Variants in CCDC7 observed in about 807,000 individuals in gnomAD.
CCDC7 encodes the protein coiled-coil domain containing 7.
In CCDC7, 183 loss-of-function variants were observed where a neutral mutation model predicts 196.9. The ratio of observed to expected loss-of-function variants is 0.93; its 90% CI spans 0.82 to 1.05. CCDC7 has a LOEUF of 1.05. Ranked by LOEUF, CCDC7 falls within the 50% of genes least tolerant of loss-of-function variation. The pLI is 0.00. For synonymous variants in CCDC7, 525 were observed against 484.6 expected, an observed-to-expected ratio of 1.08 and a Z score of -1.10; for missense variants, 1,540 against 1,482.2, an observed-to-expected ratio of 1.04 and a Z score of -0.64.
intron 8 of CCDC7, 35 bp from the exon 10 acceptor site, chr10:32,491,887 A>G (rs998809191): frequency 7.9e-6 from 12 of 1,527,768 alleles, no homozygotes; most frequent in Non-Finnish European, 1.0e-5. Flanking sequence ...AGCTATTTAT[A>G]AAACCTTTAA....
downstream of CCDC7, among the ~76,000 whole-genome samples, chr10:32,878,389 C>T (rs73264343): frequency 0.038 from 5,830 of 152,058 alleles, 392 homozygotes; most frequent in African/African-American, 0.13. Context: ...ATGAACCAGT[C>T]ATTAGACTGG....
chr10:32,536,111 C>A (rs761891317), intron 11 of CCDC7, among the ~76,000 whole-genome samples: 36 of 152,244 alleles, frequency 2.4e-4, no homozygotes, highest in Non-Finnish European at 4.3e-4. Context: ...GAAGTAACCC[C>A]TCCCTCACTT....
chr10:32,653,923 CTCTTT>C (rs1399277570), intron 20 of CCDC7, among the ~76,000 whole-genome samples: 1 of 152,026 alleles, frequency 6.6e-6, no homozygotes, highest in African/African-American at 2.4e-5. Context: ...TCTTCTCTTC[CTCTTT>C]TCTTCTTCTG....
intron 28 of CCDC7, among the ~76,000 whole-genome samples, chr10:32,750,661 C>A (rs2075517529): frequency 6.6e-6 from 1 of 152,134 alleles, no homozygotes; most frequent in Admixed American, 6.5e-5. Flanking sequence ...AGCCAGAGAG[C>A]AAGCAAGCCC....
intron 28 of CCDC7, among the ~76,000 whole-genome samples, chr10:32,760,753 A>C (rs918119612): frequency 6.7e-6 from 1 of 149,102 alleles, no homozygotes; most frequent in Non-Finnish European, 1.5e-5. Context: ...AATAATAATA[A>C]AATTAAAAAA....
chr10:32,535,135 G>T (rs1428665095), intron 11 of CCDC7, among the ~76,000 whole-genome samples: 1 of 151,104 alleles, frequency 6.6e-6, no homozygotes, highest in Non-Finnish European at 1.5e-5. Context: ...AAAACTCCGG[G>T]CAGATGGTAG....
At chr10:32,686,837 A>G (rs2141159877) in intron 22 of CCDC7, among the ~76,000 whole-genome samples, 1 of 152,342 alleles carries the variant, frequency 6.6e-6, no homozygotes, top group East Asian at 1.9e-4. Context: ...TACAACATCC[A>G]GTCCTTGCTG....
At chr10:32,860,509 A>C (rs2093940080) in intron 41 of CCDC7, among the ~76,000 whole-genome samples, 1 of 152,220 alleles carries the variant, frequency 6.6e-6, no homozygotes, top group Non-Finnish European at 1.5e-5. Flanking sequence ...GGCACAAGAC[A>C]AGGATGCCCT....
intron 25 of CCDC7, among the ~76,000 whole-genome samples, chr10:32,725,186 G>A (rs918428561): frequency 3.3e-5 from 5 of 151,922 alleles, no homozygotes; most frequent in African/African-American, 9.7e-5. Context: ...CCTTCATTTT[G>A]TATGTATATA....
intron 13 of CCDC7, among the ~76,000 whole-genome samples, chr10:32,545,116 T>A (rs1020247519): frequency 1.3e-5 from 2 of 152,182 alleles, no homozygotes; most frequent in African/African-American, 4.8e-5. Flanking sequence ...AGCTAAAGAC[T>A]TAATTGTCTC....
chr10:32,679,004 A>T (rs1192892503), intron 21 of CCDC7, among the ~76,000 whole-genome samples: 1 of 152,148 alleles, frequency 6.6e-6, no homozygotes, highest in African/African-American at 2.4e-5. Flanking sequence ...ATTTATTTTA[A>T]GTTCAACTTA....
At chr10:32,558,569 G>A (rs2054754432) in intron 13 of CCDC7, among the ~76,000 whole-genome samples, 1 of 152,118 alleles carries the variant, frequency 6.6e-6, no homozygotes, top group African/African-American at 2.4e-5. Flanking sequence ...TAGGCACCTT[G>A]AATGGCTCAG....
At chr10:32,711,824 T>C in intron 25 of CCDC7, 94 bp downstream of exon 26, 1 of 592,244 alleles carries the variant, frequency 1.7e-6, no homozygotes, top group South Asian at 2.8e-5. Context: ...TGAGAACATA[T>C]ATTTTATTGA....
At chr10:32,522,630 A>G (rs1024514210) in intron 11 of CCDC7, among the ~76,000 whole-genome samples, 8 of 151,586 alleles carry the variant, frequency 5.3e-5, no homozygotes, top group African/African-American at 1.9e-4. Flanking sequence ...TGTTTCATTG[A>G]TCTTTTGTAT....
intron 29 of CCDC7, among the ~76,000 whole-genome samples, chr10:32,781,823 G>GGTAGATGA (rs1393989888): frequency 6.6e-6 from 1 of 152,198 alleles, no homozygotes; most frequent in Non-Finnish European, 1.5e-5. Context: ...ATAGAAGACA[G>GGTAGATGA]GTAGATGATA....
intron 9 of CCDC7, among the ~76,000 whole-genome samples, chr10:32,502,086 G>T (rs1428868339): frequency 6.6e-6 from 1 of 152,124 alleles, no homozygotes; most frequent in Non-Finnish European, 1.5e-5. Flanking sequence ...CCCTACCAAG[G>T]TCGAGTATCC....
intron 29 of CCDC7, among the ~76,000 whole-genome samples, chr10:32,780,193 C>T (rs773770593): frequency 3.9e-5 from 6 of 152,102 alleles, no homozygotes; most frequent in Non-Finnish European, 5.9e-5. Context: ...GCCGAGATCA[C>T]GCCACTGCAC....
At chr10:32,471,598 A>G (rs2037963112) in intron 6 of CCDC7, among the ~76,000 whole-genome samples, 1 of 152,216 alleles carries the variant, frequency 6.6e-6, no homozygotes, top group Admixed American at 6.5e-5. Flanking sequence ...CTAGTAATAA[A>G]TAGGAAACTA....
At chr10:32,490,260 G>A (rs1589127658) in intron 8 of CCDC7, among the ~76,000 whole-genome samples, 1 of 152,156 alleles carries the variant, frequency 6.6e-6, no homozygotes, top group East Asian at 1.9e-4. Flanking sequence ...TAGCTGTCTA[G>A]TGGTTGTTTC....
Sources: gnomAD v4.1 joint callset for allele counts (sites outside exome capture counted in the v4.1 genomes callset) on GRCh38, gnomAD v4.1.1 for gene constraint, MANE v1.5 for transcripts, NCBI Gene and HGNC (gene_info 2026-07-23, HGNC 2026-07-21) for gene names.